The following PPP2R2C variants were observed in gnomAD, a reference collection of about 807,000 sequenced individuals.
PPP2R2C encodes protein phosphatase 2, regulatory subunit B, gamma.
A neutral mutation model predicts 45.3 loss-of-function variants in PPP2R2C; 10 were observed. The ratio of observed to expected loss-of-function variants is 0.22; its 90% CI spans 0.14 to 0.37. PPP2R2C has a LOEUF of 0.37. Among genes scored for constraint, PPP2R2C ranks in the 10% least tolerant of loss-of-function variants. PPP2R2C has a pLI of 1.00. For missense variants in PPP2R2C, 308 were observed against 619.7 expected, an observed-to-expected ratio of 0.50 and a Z score of 5.34; for synonymous variants, 257 against 245.4, an observed-to-expected ratio of 1.05 and a Z score of -0.44.
At chr4:6,468,729 G>T (rs931173071) in intron 1 of PPP2R2C, among the ~76,000 whole-genome samples, 2 of 152,254 alleles carry the variant, frequency 1.3e-5, no homozygotes. Flanking sequence ...AAGGAAGGAT[G>T]GATGGGTTTT....
intron 1 of PPP2R2C, among the ~76,000 whole-genome samples, chr4:6,403,071 G>T (rs1446021858): frequency 1.3e-5 from 2 of 152,242 alleles, no homozygotes; most frequent in African/African-American, 4.8e-5. Context: ...AGGCCAGAAG[G>T]GGCCACTTTG....
At chr4:6,429,272 G>A (rs928760871) in intron 1 of PPP2R2C, among the ~76,000 whole-genome samples, 4 of 152,104 alleles carry the variant, frequency 2.6e-5, no homozygotes, top group African/African-American at 9.7e-5. Flanking sequence ...CTTCAACACC[G>A]CACTTTTGAT....
intron 1 of PPP2R2C, chr4:6,382,018 A>G (rs2109315313): frequency 7.1e-7 from 1 of 1,409,124 alleles, no homozygotes; most frequent in Non-Finnish European, 9.2e-7. Flanking sequence ...AGAAACCCCC[A>G]CTGGAGGACA....
intron 6 of PPP2R2C, among the ~76,000 whole-genome samples, chr4:6,337,120 A>G (rs1475373037): frequency 0.017 from 519 of 31,392 alleles, 25 homozygotes; most frequent in African/African-American, 0.096. Flanking sequence ...GTGTATATAT[A>G]TATATATATA....
chr4:6,542,598 G>A (rs906220192), intron 1 of PPP2R2C, among the ~76,000 whole-genome samples: 1 of 151,428 alleles, frequency 6.6e-6, no homozygotes. Flanking sequence ...AGATACTAGG[G>A]AGGCTGAGGC....
intron 1 of PPP2R2C, among the ~76,000 whole-genome samples, chr4:6,561,183 T>C (rs1478286495): frequency 6.6e-6 from 1 of 152,220 alleles, no homozygotes. Context: ...GGCATCGACC[T>C]GTGGACCTGT....
Position 6,329,568 on chromosome 4 carries a change from C to G in PPP2R2C, c.961-215G>C, listed in dbSNP as rs959485383. ...CCATGACCAGGCACACGGCTGACCC[C>G]GACCGTGACACAGCCCAATACAGCC... On this transcript the variant is annotated intron_variant, in intron 7 of 8. Coordinates refer to ENST00000382599, the MANE Select transcript of PPP2R2C (RefSeq NM_020416.4). This position sits in a 1 kb window ranked among gnomAD's most constrained non-coding sequence, Gnocchi z 5.8. Among the ~76,000 whole-genome samples, 1 of 151,708 alleles carries G rather than the reference C, an allele frequency of 6.6e-6. No homozygotes were observed. Among genetic ancestry groups the G allele is most frequent in the Non-Finnish European group, 1.5e-5 (1 of 67,974 alleles).
At position 6,416,937 on chromosome 4, in the gene PPP2R2C, C is replaced by T. The variant is rs186690344; in HGVS notation, c.71-35843G>A. On this transcript the variant is annotated intron_variant, in intron 1 of 8. Coordinates refer to ENST00000382599, the MANE Select transcript of PPP2R2C (RefSeq NM_020416.4). ...GGGAGGGAGATGGGAAAGAGTCCAG[C>T]CCCGCCTCTCCTCTCTTCCTGGGGG... Among the ~76,000 whole-genome samples, 6 of 152,270 alleles carry T rather than the reference C, an allele frequency of 3.9e-5. No individual in the cohort carries two copies. The East Asian group carries it at 9.7e-4, about 25-fold the overall frequency.
At chr4:6,419,148 A>G (rs1474320331) in intron 1 of PPP2R2C, among the ~76,000 whole-genome samples, 1 of 152,204 alleles carries the variant, frequency 6.6e-6, no homozygotes, top group African/African-American at 2.4e-5. Context: ...ACAAACAAAG[A>G]AAAATGTGCA....
intron 2 of PPP2R2C, among the ~76,000 whole-genome samples, chr4:6,503,795 TAA>T (rs11433028): frequency 1.7e-4 from 25 of 146,244 alleles, no homozygotes; most frequent in East Asian, 2.0e-4. Flanking sequence ...ACTTGGCAAT[TAA>T]AAAAAAAAAA....
At chr4:6,526,176 C>T (rs1724203871) in intron 2 of PPP2R2C, among the ~76,000 whole-genome samples, 1 of 152,252 alleles carries the variant, frequency 6.6e-6, no homozygotes. Context: ...ATGTAACATA[C>T]ATGTTAGCTT....
At chr4:6,369,249 C>T (rs150784023) in intron 5 of PPP2R2C, among the ~76,000 whole-genome samples, 79 of 152,332 alleles carry the variant, frequency 5.2e-4, no homozygotes, top group Admixed American at 2.5e-3. Context: ...ACTCAGCAGG[C>T]ACATGGGGCT....
At chr4:6,359,237 T>C (rs1290286921) in intron 5 of PPP2R2C, among the ~76,000 whole-genome samples, 2 of 152,144 alleles carry the variant, frequency 1.3e-5, no homozygotes, top group African/African-American at 4.8e-5. Flanking sequence ...GAGCAAACTA[T>C]TCCAAGGACA....
intron 1 of PPP2R2C, among the ~76,000 whole-genome samples, chr4:6,556,986 T>C (rs1365399551): frequency 1.3e-5 from 2 of 151,894 alleles, no homozygotes; most frequent in African/African-American, 4.8e-5. Context: ...ATCCAGGTGG[T>C]AAATTTGACA....
intron 1 of PPP2R2C, chr4:6,555,567 C>T (rs925760048): frequency 1.1e-4 from 17 of 152,264 alleles, no homozygotes; most frequent in African/African-American, 3.9e-4. Flanking sequence ...GGTGTGGCAG[C>T]CAGGCCTGCA....
chr4:6,533,392 G>C (rs150919492), intron 2 of PPP2R2C, among the ~76,000 whole-genome samples: 1 of 152,270 alleles, frequency 6.6e-6, no homozygotes, highest in East Asian at 1.9e-4. Context: ...GCAGAGAAGA[G>C]AGTCCCTTCT....
At chr4:6,430,284 G>A (rs1029288448) in intron 1 of PPP2R2C, among the ~76,000 whole-genome samples, 4 of 152,190 alleles carry the variant, frequency 2.6e-5, no homozygotes, top group African/African-American at 9.7e-5. Context: ...TGATTTTCCA[G>A]GAGGAAGCTG....
At chr4:6,425,382 C>T (rs955750788) in intron 1 of PPP2R2C, among the ~76,000 whole-genome samples, 4 of 152,206 alleles carry the variant, frequency 2.6e-5, no homozygotes, top group African/African-American at 4.8e-5. Flanking sequence ...TGATCCAAAT[C>T]GCCTCACTGC....
intron 1 of PPP2R2C, among the ~76,000 whole-genome samples, chr4:6,396,068 G>A (rs930606957): frequency 2.0e-5 from 3 of 152,212 alleles, no homozygotes; most frequent in African/African-American, 7.2e-5. Flanking sequence ...TACACACAGT[G>A]TGTGCGAACC....
Sources: gnomAD v4.1 joint callset for allele counts (sites outside exome capture counted in the v4.1 genomes callset) on GRCh38, gnomAD v4.1.1 for gene constraint, Gnocchi (gnomAD v3.1) non-coding constraint, MANE v1.5 for transcripts, NCBI Gene and HGNC (gene_info 2026-07-23, HGNC 2026-07-21) for gene names.